Variants in SLC4A4 observed in about 807,000 individuals in gnomAD.
The protein encoded by SLC4A4 is electrogenic sodium bicarbonate cotransporter 1.
A neutral mutation model predicts 111.5 loss-of-function variants in SLC4A4; 27 were observed. That is an observed-to-expected ratio of 0.24 (90% confidence interval 0.18 to 0.33). The LOEUF (loss-of-function observed/expected upper bound fraction) is 0.33. SLC4A4 is among the 10% of genes least tolerant of loss of function. The probability of loss-of-function intolerance (pLI) is 1.00; values close to 1 mark genes in which losing one functional copy is unlikely to be tolerated. For missense variants in SLC4A4, 909 were observed against 1,315.5 expected (o/e 0.69, Z 4.78); for synonymous variants, 443 against 463.4 (o/e 0.96, Z 0.57).
chr4:71,165,144 G>A (rs1359487097), intron 2 of SLC4A4, among the ~76,000 whole-genome samples: 1 of 152,076 alleles, frequency 6.6e-6, no homozygotes, highest in Non-Finnish European at 1.5e-5. Flanking sequence ...AGACAGTGTG[G>A]AGATTCCTCA....
intron 6 of SLC4A4, among the ~76,000 whole-genome samples, chr4:71,387,996 A>G (rs1718914601): frequency 6.6e-6 from 1 of 152,196 alleles, no homozygotes; most frequent in Non-Finnish European, 1.5e-5. Context: ...ACCTTGGCTT[A>G]GGGACATTTA....
rs577229417 is a variant in SLC4A4, at chr4:71,437,202, A to G, written c.808-3414A>G. ...TCCACACAGGAATACTTGAGTCCCT[A>G]TGCTGTCCAAGAATCCACCTATGAC... is the stretch of plus-strand genomic sequence containing the variant. On this transcript the variant is annotated intron_variant, in intron 7 of 25. Transcript: ENST00000264485. 83 of 402,436 alleles carry G rather than the reference A, an allele frequency of 2.1e-4. 1 individual carries two copies. Among genetic ancestry groups the G allele is most frequent in the South Asian group, 1.4e-3 (66 of 46,594 alleles). The allele number at this position is 402,436 out of a possible 1,614,324, so 24.9% of individuals were successfully genotyped here. A position where few individuals can be genotyped will look rare whatever the true frequency, so the allele number is the denominator to read the frequency against.
intron 2 of SLC4A4, among the ~76,000 whole-genome samples, chr4:71,092,835 G>A (rs1251753947): frequency 5.9e-5 from 9 of 152,170 alleles, no homozygotes; most frequent in Non-Finnish European, 1.0e-4. Flanking sequence ...AGTGGCTCAC[G>A]CCTGTAATCC....
At chr4:71,103,128 C>G (rs1742808944) in intron 2 of SLC4A4, among the ~76,000 whole-genome samples, 1 of 151,824 alleles carries the variant, frequency 6.6e-6, no homozygotes, top group Non-Finnish European at 1.5e-5. Flanking sequence ...ATCCTAGTTT[C>G]TGATAAAACA....
Position 71,089,777 on chromosome 4 carries a change from C to G in SLC4A4, c.-64-2953C>G, listed in dbSNP as rs375621154. Among the ~76,000 whole-genome samples the G allele has an allele frequency of 1.6e-4, 24 of 152,070 alleles. No individual in the cohort carries two copies. The East Asian group carries it at 2.1e-3, about 13-fold the overall frequency. On this transcript the variant is annotated intron_variant, in intron 1 of 26. Coordinates refer to the SLC4A4 transcript ENST00000649996. ...CTGGAAATTTTGTCTCAGAGGAGTACCCGGCCATGTGAGGTGTCAGTCTGC... is the reference window on the plus strand; with the variant it reads ...CTGGAAATTTTGTCTCAGAGGAGTAGCCGGCCATGTGAGGTGTCAGTCTGC...
At chr4:71,302,584 T>C (rs569288470) in intron 3 of SLC4A4, among the ~76,000 whole-genome samples, 1 of 152,208 alleles carries the variant, frequency 6.6e-6, no homozygotes, top group Non-Finnish European at 1.5e-5. Context: ...TGTAGCTCAT[T>C]CTCTTTGATG....
At chr4:71,564,382 A>G (rs1737279615) in intron 24 of SLC4A4, among the ~76,000 whole-genome samples, 1 of 151,946 alleles carries the variant, frequency 6.6e-6, no homozygotes. Flanking sequence ...ATGAAGTATT[A>G]GTACAACTTT....
At chr4:71,180,812 TAGCAATACCATTTGACCC>T (rs950724608) in intron 2 of SLC4A4, among the ~76,000 whole-genome samples, 3 of 152,210 alleles carry the variant, frequency 2.0e-5, no homozygotes, top group South Asian at 2.1e-4. Flanking sequence ...GATCTAGAAC[TAGCAATACCATTTGACCC>T]AGCAATACCA....
chr4:71,482,863 A>G (rs1206362610), intron 14 of SLC4A4, among the ~76,000 whole-genome samples: 4 of 151,592 alleles, frequency 2.6e-5, no homozygotes, highest in African/African-American at 9.7e-5. Flanking sequence ...AAGACAAGAA[A>G]GAATGCTGAA....
chr4:71,508,367 G>T (rs1379431594), intron 16 of SLC4A4, among the ~76,000 whole-genome samples: 1 of 151,864 alleles, frequency 6.6e-6, no homozygotes. Context: ...TAAGAGAGAA[G>T]ACTCAAATAA....
rs1304791301 is a variant in SLC4A4 at position 71,447,634 on chromosome 4, C to T, written c.966-12C>T. On this transcript the variant is annotated splice_polypyrimidine_tract_variant and intron_variant, in intron 8 of 25. Coordinates refer to ENST00000264485, the MANE Select transcript of SLC4A4 (RefSeq NM_001098484.3). ...GTGTGTTATAGCCTTTGCTTCTTTC[C>T]TTTTCCATTAGGTTCTTGTTCATTC... 1 of 1,572,686 alleles carries T rather than the reference C, an allele frequency of 6.4e-7. No homozygotes were observed. Among genetic ancestry groups the T allele is most frequent in the East Asian group, 2.2e-5 (1 of 44,618 alleles).
chr4:71,407,091 T>C (rs1374491248), intron 7 of SLC4A4, among the ~76,000 whole-genome samples: 1 of 152,150 alleles, frequency 6.6e-6, no homozygotes, highest in Non-Finnish European at 1.5e-5. Context: ...ATATAATGAG[T>C]TCTGCCTAGT....
intron 1 of SLC4A4, among the ~76,000 whole-genome samples, chr4:71,200,807 TA>T (rs34721166): frequency 1.6e-3 from 236 of 144,284 alleles, no homozygotes; most frequent in Non-Finnish European, 1.7e-3. Flanking sequence ...AAAGTATAGT[TA>T]AAAAAAAAAA....
intron 1 of SLC4A4, among the ~76,000 whole-genome samples, chr4:71,192,344 T>G (rs1553960868): frequency 5.9e-5 from 9 of 152,140 alleles, no homozygotes; most frequent in Non-Finnish European, 4.4e-5. Context: ...GTAAATACAT[T>G]AAAAAGAATT....
intron 3 of SLC4A4, among the ~76,000 whole-genome samples, chr4:71,331,244 G>T (rs1422801510): frequency 2.6e-5 from 4 of 152,114 alleles, no homozygotes; most frequent in South Asian, 4.1e-4. Flanking sequence ...TATACCCAAA[G>T]GATTATAAAT....
chr4:71,294,603 TA>T (rs1281607016), intron 3 of SLC4A4, among the ~76,000 whole-genome samples: 1 of 152,182 alleles, frequency 6.6e-6, no homozygotes, highest in African/African-American at 2.4e-5. Flanking sequence ...AAAGACTGAT[TA>T]ACTGTACTTT....
intron 6 of SLC4A4, among the ~76,000 whole-genome samples, chr4:71,375,413 C>T (rs1165578620): frequency 1.4e-4 from 21 of 152,260 alleles, no homozygotes; most frequent in African/African-American, 2.6e-4. Context: ...ATTTGCTGGA[C>T]GCTTAGTGCC....
In SLC4A4 at chr4:71,406,891, G is replaced by A. The variant is rs750753062; in HGVS notation, c.807+9238G>A. 3.3e-5 allele frequency among the ~76,000 whole-genome samples: 5 copies of A among 152,200 alleles called. No individual in the cohort carries two copies. In the East Asian group the frequency reaches 5.8e-4, roughly 18 times the overall value. The stretch of plus-strand genomic sequence containing the variant: ...CTGATAGTATTGAGTCTATTGCTAC[G>A]TAAGCAATAATTAACAACTAGCATA... On this transcript the variant is annotated intron_variant, in intron 7 of 25. Coordinates refer to ENST00000264485, the MANE Select transcript of SLC4A4 (RefSeq NM_001098484.3).
At chr4:71,409,403 C>T (rs1196047546) in intron 7 of SLC4A4, among the ~76,000 whole-genome samples, 6 of 152,184 alleles carry the variant, frequency 3.9e-5, no homozygotes, top group African/African-American at 1.4e-4. Context: ...AGATGTGTAA[C>T]TTGTTGGGAA....
Sources: allele counts gnomAD v4.1 joint callset (sites outside exome capture counted in the v4.1 genomes callset), GRCh38; gene constraint gnomAD v4.1.1; transcripts MANE v1.5; gene names NCBI Gene and HGNC (gene_info 2026-07-23, HGNC 2026-07-21).